Variants in CEP112 observed in about 807,000 individuals in gnomAD.
The protein encoded by CEP112 is centrosomal protein of 112 kDa.
CEP112 carries 127 observed loss-of-function variants against 153.0 expected under a neutral mutation model. The observed-to-expected ratio is 0.83, with a 90% CI of 0.72 to 0.96. CEP112 has a LOEUF of 0.96. Ranked by LOEUF, CEP112 falls within the 40% of genes least tolerant of loss-of-function variation. The pLI is 0.00. For synonymous variants in CEP112, 358 were observed against 374.4 expected (o/e 0.96, Z 0.51); for missense variants, 1,089 against 1,101.2 (o/e 0.99, Z 0.16).
chr17:65,869,364 A>G (rs2058577607), intron 20 of CEP112, among the ~76,000 whole-genome samples: 1 of 152,208 alleles, frequency 6.6e-6, no homozygotes, highest in Non-Finnish European at 1.5e-5. Flanking sequence ...TGAAATCATT[A>G]GCCCATCTTG....
intron 19 of CEP112, among the ~76,000 whole-genome samples, chr17:65,926,105 A>C (rs1192415323): frequency 1.3e-5 from 2 of 152,070 alleles, no homozygotes; most frequent in African/African-American, 4.8e-5. Context: ...TCCTTACACA[A>C]ACCGGTCCTA....
At chr17:65,665,462 T>C (rs1341382145) in intron 24 of CEP112, among the ~76,000 whole-genome samples, 1 of 152,164 alleles carries the variant, frequency 6.6e-6, no homozygotes, top group African/African-American at 2.4e-5. Flanking sequence ...CTGCTAGAAT[T>C]AGAGCACAGG....
At chr17:65,692,470 A>G (rs905876627) in intron 23 of CEP112, among the ~76,000 whole-genome samples, 1 of 151,932 alleles carries the variant, frequency 6.6e-6, no homozygotes, top group Admixed American at 6.6e-5. Context: ...CTTGTGATCC[A>G]CCCATCTCAG....
chr17:65,833,186 C>A (rs2057159394), intron 21 of CEP112, among the ~76,000 whole-genome samples: 1 of 151,986 alleles, frequency 6.6e-6, no homozygotes, highest in South Asian at 2.1e-4. Context: ...CTCGATAAAC[C>A]AGGCATTAAA....
chr17:66,191,962 G>A lies in CEP112; in HGVS notation c.-9+35C>T, dbSNP rs1350850689. ...ATTCCACTCAAGAACCTGGTGGGAGGGGCGGGGGAAGGAAATTCAGAAAAA... is the reference window on the plus strand; with the variant it reads ...ATTCCACTCAAGAACCTGGTGGGAGAGGCGGGGGAAGGAAATTCAGAAAAA... On this transcript the variant is annotated intron_variant, in intron 1 of 26. Coordinates refer to ENST00000535342, the MANE Select transcript of CEP112 (RefSeq NM_001199165.4). The surrounding 1 kb of genome is among the most constrained non-coding windows in gnomAD (Gnocchi z 4.2). 2.6e-5 allele frequency: 4 copies of A among 152,922 alleles called. No homozygotes were observed. Among genetic ancestry groups the A allele is most frequent in the South Asian group, 1.8e-4 (1 of 5,420 alleles). 9.5% of individuals were successfully genotyped at this position (152,922 alleles called of 1,614,324 possible).
At chr17:66,038,764 C>T (rs1453099853) in intron 12 of CEP112, among the ~76,000 whole-genome samples, 2 of 152,156 alleles carry the variant, frequency 1.3e-5, no homozygotes. Flanking sequence ...ACTTGGAAAA[C>T]TAGGTTGGAC....
chr17:65,675,729 A>C (rs946733148), intron 24 of CEP112, among the ~76,000 whole-genome samples: 4 of 152,074 alleles, frequency 2.6e-5, no homozygotes, highest in African/African-American at 9.6e-5. Flanking sequence ...GTTAAAAAAA[A>C]GGGATAACAA....
intron 21 of CEP112, among the ~76,000 whole-genome samples, chr17:65,841,433 T>C (rs74367852): frequency 0.015 from 2,246 of 152,104 alleles, 20 homozygotes; most frequent in Non-Finnish European, 0.023. Flanking sequence ...CATTCATATG[T>C]GGGAGCTAAA....
intron 17 of CEP112, among the ~76,000 whole-genome samples, chr17:65,962,530 G>C (rs963933305): frequency 1.3e-5 from 2 of 152,186 alleles, no homozygotes; most frequent in Non-Finnish European, 2.9e-5. Flanking sequence ...GTTTATAAAT[G>C]CATGCCATTT....
chr17:66,090,293 A>T (rs909398970), intron 8 of CEP112, among the ~76,000 whole-genome samples: 2 of 152,044 alleles, frequency 1.3e-5, no homozygotes, highest in African/African-American at 4.8e-5. Context: ...GAATAGTCTA[A>T]TAATATAATG....
At chr17:65,776,275 C>CAACTCCAA (rs1248004535) in intron 21 of CEP112, among the ~76,000 whole-genome samples, 1 of 152,178 alleles carries the variant, frequency 6.6e-6, no homozygotes, top group East Asian at 1.9e-4. Context: ...CGCTCTGTCG[C>CAACTCCAA]CCAGGCTGGA....
At chr17:65,846,697 T>C (rs1012705630) in intron 21 of CEP112, among the ~76,000 whole-genome samples, 12 of 152,156 alleles carry the variant, frequency 7.9e-5, no homozygotes, top group African/African-American at 2.9e-4. Flanking sequence ...GCTTCCCGAG[T>C]AGCTGGGACT....
chr17:65,743,246 C>A, intron 22 of CEP112, 29 bp from the exon 23 acceptor site: 1 of 1,566,188 alleles, frequency 6.4e-7, no homozygotes, highest in South Asian at 1.2e-5. Context: ...GCTATAACTT[C>A]AAATTCTTCT....
At chr17:65,659,015 CAAAAA>C (rs777326885) in intron 24 of CEP112, among the ~76,000 whole-genome samples, 2 of 55,578 alleles carry the variant, frequency 3.6e-5, no homozygotes, top group African/African-American at 1.2e-4. Flanking sequence ...GACTCTGTCT[CAAAAA>C]AAAAAAAAAA....
chr17:65,787,821 T>C (rs538747266), intron 21 of CEP112, among the ~76,000 whole-genome samples: 124 of 152,312 alleles, frequency 8.1e-4, no homozygotes, highest in Non-Finnish European at 1.6e-3. Flanking sequence ...TCCACTTAGG[T>C]TTTATGTATA....
intron 8 of CEP112, among the ~76,000 whole-genome samples, chr17:66,075,727 C>T (rs988131433): frequency 6.6e-6 from 1 of 152,122 alleles, no homozygotes; most frequent in Non-Finnish European, 1.5e-5. Flanking sequence ...AGCTCCAACT[C>T]GGACAGACAG....
At chr17:65,847,852 G>C in intron 21 of CEP112, among the ~76,000 whole-genome samples, 1 of 152,230 alleles carries the variant, frequency 6.6e-6, no homozygotes, top group East Asian at 1.9e-4. Context: ...TGTCAAGGAG[G>C]TTGGCCATTG....
At chr17:65,890,171 TC>T (rs2059414539) in intron 20 of CEP112, among the ~76,000 whole-genome samples, 1 of 152,150 alleles carries the variant, frequency 6.6e-6, no homozygotes, top group Non-Finnish European at 1.5e-5. Context: ...AGAACACTGC[TC>T]TAAATAATTA....
intron 21 of CEP112, chr17:65,826,444 G>C: frequency 6.5e-7 from 1 of 1,534,680 alleles, no homozygotes; most frequent in East Asian, 2.3e-5. Context: ...CAGAGGGTTA[G>C]AGTGTCTGAG....
Sources: gnomAD v4.1 joint callset for allele counts (sites outside exome capture counted in the v4.1 genomes callset) on GRCh38, gnomAD v4.1.1 for gene constraint, Gnocchi (gnomAD v3.1) non-coding constraint, MANE v1.5 for transcripts, NCBI Gene and HGNC (gene_info 2026-07-23, HGNC 2026-07-21) for gene names.